The following MGMT variants were observed in gnomAD, a reference collection of about 807,000 sequenced individuals.
MGMT encodes the protein methylated-DNA--protein-cysteine methyltransferase.
Under a neutral mutation model 15.9 loss-of-function variants are expected in MGMT, and 14 were observed. The ratio of observed to expected loss-of-function variants is 0.88; its 90% CI spans 0.58 to 1.37. The LOEUF is 1.37. MGMT is among the 40% of genes most tolerant of loss of function. The pLI is 0.00. For synonymous variants in MGMT, 130 were observed against 118.2 expected, an observed-to-expected ratio of 1.10 and a Z score of -0.65; for missense variants, 282 against 268.1, an observed-to-expected ratio of 1.05 and a Z score of -0.36.
chr10:129,658,845 C>T (rs950942653), intron 2 of MGMT, among the ~76,000 whole-genome samples: 1 of 152,172 alleles, frequency 6.6e-6, no homozygotes, highest in African/African-American at 2.4e-5. Context: ...GCCCTTAGCT[C>T]GCGTGCCCAA....
intron 2 of MGMT, among the ~76,000 whole-genome samples, chr10:129,671,701 A>G (rs1162189224): frequency 6.6e-6 from 1 of 152,216 alleles, no homozygotes; most frequent in Non-Finnish European, 1.5e-5. Flanking sequence ...TAGCTCCAGA[A>G]ATTTAGCCCC....
At chr10:129,481,064 C>T (rs1395460689) in intron 1 of MGMT, among the ~76,000 whole-genome samples, 5 of 152,190 alleles carry the variant, frequency 3.3e-5, no homozygotes, top group African/African-American at 9.7e-5. Flanking sequence ...AGTGAACCTG[C>T]CTGTTGCCCT....
chr10:129,566,954 C>T lies in MGMT; in HGVS notation c.125+30577C>T, dbSNP rs1352775601. ...TCAATACCCAGGAGGTGCCATCTCTCTTGGCGGGTGACACGTAACTGTTAC... is the reference window on the plus strand; with the variant it reads ...TCAATACCCAGGAGGTGCCATCTCTTTTGGCGGGTGACACGTAACTGTTAC... On this transcript the variant is annotated intron_variant, in intron 2 of 4. Coordinates refer to ENST00000651593, the MANE Select transcript of MGMT (RefSeq NM_002412.5). This position sits in a 1 kb window ranked among gnomAD's most constrained non-coding sequence, Gnocchi z 4.1. Among the ~76,000 whole-genome samples the T allele has an allele frequency of 1.3e-5, 2 of 152,160 alleles. No individual in the cohort carries two copies. Among genetic ancestry groups the T allele is most frequent in the Non-Finnish European group, 2.9e-5 (2 of 68,036 alleles).
chr10:129,598,751 G>C (rs993850136), intron 2 of MGMT, among the ~76,000 whole-genome samples: 2 of 152,178 alleles, frequency 1.3e-5, no homozygotes, highest in African/African-American at 4.8e-5. Flanking sequence ...GGATGTAGAT[G>C]TGCTTGTCTT....
At chr10:129,509,566 C>T (rs1402166330) in intron 1 of MGMT, among the ~76,000 whole-genome samples, 2 of 152,180 alleles carry the variant, frequency 1.3e-5, no homozygotes, top group African/African-American at 4.8e-5. Context: ...GATCGAATTC[C>T]TAAATCTTGA....
chr10:129,570,352 G>A (rs542580862), intron 2 of MGMT, among the ~76,000 whole-genome samples: 26 of 152,396 alleles, frequency 1.7e-4, no homozygotes, highest in African/African-American at 5.8e-4. Flanking sequence ...CAGGTCACGA[G>A]TCCAGTGACG....
chr10:129,642,838 G>A (rs1360092981), intron 2 of MGMT, among the ~76,000 whole-genome samples: 2 of 152,052 alleles, frequency 1.3e-5, no homozygotes, highest in African/African-American at 4.8e-5. Flanking sequence ...AGGCTGAGGC[G>A]GGAAGACCAC....
intron 2 of MGMT, among the ~76,000 whole-genome samples, chr10:129,676,052 T>C (rs1847781770): frequency 6.6e-6 from 1 of 152,040 alleles, no homozygotes; most frequent in Non-Finnish European, 1.5e-5. Flanking sequence ...GGGAAGGGGC[T>C]CCATTGGCTG....
intron 1 of MGMT, among the ~76,000 whole-genome samples, chr10:129,500,551 G>A (rs974168140): frequency 3.9e-5 from 6 of 152,054 alleles, no homozygotes; most frequent in African/African-American, 7.2e-5. Context: ...TTAATATTTC[G>A]AATGTTAACG....
chr10:129,714,919 C>T (rs545351806), intron 3 of MGMT, among the ~76,000 whole-genome samples: 6 of 152,260 alleles, frequency 3.9e-5, no homozygotes, highest in Non-Finnish European at 5.9e-5. Context: ...GACTAATCAG[C>T]GATCCCACAA....
At chr10:129,547,423 A>AGG (rs1414961613) in intron 2 of MGMT, among the ~76,000 whole-genome samples, 2 of 152,160 alleles carry the variant, frequency 1.3e-5, no homozygotes, top group African/African-American at 4.8e-5. Context: ...CAAATATTTA[A>AGG]AAGTAGAAAG....
Position 129,659,562 on chromosome 10 carries a change from AG to A in MGMT, c.126-48331del, listed in dbSNP as rs938470525. Among the ~76,000 whole-genome samples the A allele has an allele frequency of 3.3e-5, 5 of 152,130 alleles. No individual in the cohort carries two copies. The highest frequency in any genetic ancestry group is 1.2e-4 in the African/African-American group (5 of 41,418). Reference sequence around the variant, plus strand: ...TCACACAGCATGCATATTAGTTCCGAGGCTACTGGCATTATTATTTAATGAT... The same window carrying A: ...TCACACAGCATGCATATTAGTTCCGAGCTACTGGCATTATTATTTAATGAT... On this transcript the variant is annotated intron_variant, in intron 2 of 4. Coordinates refer to ENST00000651593, the MANE Select transcript of MGMT (RefSeq NM_002412.5). This position sits in a 1 kb window ranked among gnomAD's most constrained non-coding sequence, Gnocchi z 4.1.
chr10:129,568,105 G>C (rs1380716425), intron 2 of MGMT, among the ~76,000 whole-genome samples: 1 of 152,214 alleles, frequency 6.6e-6, no homozygotes, highest in Non-Finnish European at 1.5e-5. Context: ...TAGAAGTCAG[G>C]AATGGGCCGA....
chr10:129,470,136 C>T (rs1207885375), intron 1 of MGMT, among the ~76,000 whole-genome samples: 2 of 152,178 alleles, frequency 1.3e-5, no homozygotes, highest in East Asian at 1.9e-4. Context: ...GCCAGCCCTT[C>T]GCCCCACTCT....
At chr10:129,697,454 G>T (rs1261274830) in intron 2 of MGMT, among the ~76,000 whole-genome samples, 1 of 151,926 alleles carries the variant, frequency 6.6e-6, no homozygotes, top group African/African-American at 2.4e-5. Context: ...TCCCTTATGC[G>T]TTTGGTAAGT....
chr10:129,742,539 C>A (rs1435126164), intron 3 of MGMT, among the ~76,000 whole-genome samples: 1 of 150,280 alleles, frequency 6.7e-6, no homozygotes, highest in Admixed American at 6.6e-5. Context: ...AGCAGTGCCC[C>A]ACGGCTGCAG....
At chr10:129,553,827 C>T (rs528413755) in intron 2 of MGMT, among the ~76,000 whole-genome samples, 49 of 152,308 alleles carry the variant, frequency 3.2e-4, no homozygotes, top group Middle Eastern at 3.4e-3. Context: ...TTCCTTCTTT[C>T]TGTCTCCCGC....
intron 2 of MGMT, among the ~76,000 whole-genome samples, chr10:129,642,204 C>T (rs1847335523): frequency 6.6e-6 from 1 of 151,110 alleles, no homozygotes; most frequent in Non-Finnish European, 1.5e-5. Flanking sequence ...CACACAACCC[C>T]GCACCTGGGC....
intron 1 of MGMT, among the ~76,000 whole-genome samples, chr10:129,493,917 A>T (rs1312197863): frequency 2.0e-5 from 3 of 152,166 alleles, no homozygotes; most frequent in Non-Finnish European, 2.9e-5. Context: ...CGCATGTGGG[A>T]TCATCACAGT....
Sources: allele counts gnomAD v4.1 joint callset (sites outside exome capture counted in the v4.1 genomes callset), GRCh38; gene constraint gnomAD v4.1.1; non-coding constraint Gnocchi (gnomAD v3.1); transcripts MANE v1.5; gene names NCBI Gene and HGNC (gene_info 2026-07-23, HGNC 2026-07-21).